Variants in GARRE1 observed in about 807,000 individuals in gnomAD.
GARRE1 encodes the protein granule associated Rac and RHOG effector protein 1.
GARRE1 carries 49 observed loss-of-function variants against 103.2 expected under a neutral mutation model. The ratio of observed to expected loss-of-function variants is 0.47; its 90% CI spans 0.38 to 0.60. The LOEUF (loss-of-function observed/expected upper bound fraction) is 0.60, where lower values mean the gene tolerates loss of function less well. Ranked by LOEUF, GARRE1 falls within the 20% of genes least tolerant of loss-of-function variation. The pLI is 0.00. For synonymous variants in GARRE1, 505 were observed against 532.8 expected (o/e 0.95, Z 0.72); for missense variants, 1,199 against 1,370.5 (o/e 0.87, Z 1.98).
Position 34,348,025 on chromosome 19 carries a change from C to G in GARRE1, c.2670C>G (p.Pro890=), listed in dbSNP as rs368456219. The stretch of plus-strand genomic sequence containing the variant: ...ACGCGCATCGGACCTGGCCCTTCCC[C>G]GAGTTCTTCACAGAAGGGTGAGTGC... ...MDDAHRTWPF[P]EFFTEGDGLH... Residue 890 remains proline, a synonymous_variant, in exon 11 of 14, where the codon CCC becomes CCG. Coordinates refer to ENST00000299505, the MANE Select transcript of GARRE1 (RefSeq NM_014686.5). 4 of 1,497,220 alleles carry G rather than the reference C, an allele frequency of 2.7e-6. No individual in the cohort carries two copies. The African/African-American group carries it at 5.7e-5, about 21-fold the overall frequency. 92.7% of individuals were successfully genotyped at this position (1,497,220 alleles called of 1,614,324 possible).
At chr19:34,332,811 T>C (rs912116493) in intron 7 of GARRE1, among the ~76,000 whole-genome samples, 1 of 152,190 alleles carries the variant, frequency 6.6e-6, no homozygotes, top group Admixed American at 6.6e-5. Context: ...TTTGAAAATA[T>C]ATTCATCACT....
chr19:34,316,866 A>G (rs1233090598), intron 2 of GARRE1, among the ~76,000 whole-genome samples: 1 of 152,194 alleles, frequency 6.6e-6, no homozygotes, highest in Non-Finnish European at 1.5e-5. Flanking sequence ...TCCAAGGTCA[A>G]ACACATCCTA....
intron 1 of GARRE1, chr19:34,285,221 A>G (rs2073879220): frequency 6.6e-6 from 1 of 152,170 alleles, no homozygotes; most frequent in African/African-American, 2.4e-5. Flanking sequence ...CTAACTTCCA[A>G]CAGTATTTTG....
In GARRE1 at chr19:34,347,946, C is replaced by A; in HGVS notation, c.2591C>A (p.Ala864Asp). ...VSQAMQQKRQ[A>D]QHGRRPGNPR... is the part of the protein sequence containing the mutation. ...CAGGCGATGCAGCAGAAGCGGCAGGCCCAGCACGGTCGCCGGCCAGGCAAC... is the reference window on the plus strand; with the variant it reads ...CAGGCGATGCAGCAGAAGCGGCAGGACCAGCACGGTCGCCGGCCAGGCAAC... The change falls in exon 11 of 14, where the codon GCC becomes GAC. Residue 864 changes from alanine to aspartate, a missense_variant. Coordinates refer to ENST00000299505, the MANE Select transcript of GARRE1 (RefSeq NM_014686.5). The A allele has an allele frequency of 6.3e-7, 1 of 1,590,502 alleles. No individual in the cohort carries two copies.
At chr19:34,307,866 C>T (rs890206921) in intron 2 of GARRE1, among the ~76,000 whole-genome samples, 24 of 146,576 alleles carry the variant, frequency 1.6e-4, no homozygotes, top group Admixed American at 1.3e-3. Context: ...AGGCTAGCCT[C>T]GAACTCTTGG....
In GARRE1 at chr19:34,328,085, A is replaced by G; in HGVS notation, c.1038A>G (p.Ile346Met). ...AGCTCCCCACCGTCCCTGTGCAGATAGGATCGCACTTCCTGAAGGGCGTCT... is the reference window on the plus strand; with the variant it reads ...AGCTCCCCACCGTCCCTGTGCAGATGGGATCGCACTTCCTGAAGGGCGTCT... ...QCELPTVPVQ[I>M]GSHFLKGVSF... is the part of the protein sequence containing the mutation. Residue 346 changes from isoleucine to methionine, a missense_variant, in exon 6 of 14, where the codon ATA becomes ATG. By Grantham distance (10) the Ile-to-Met change is conservative. Coordinates refer to ENST00000299505, the MANE Select transcript of GARRE1 (RefSeq NM_014686.5). 1 of 1,614,214 alleles carries G rather than the reference A, an allele frequency of 6.2e-7. No homozygotes were observed. Among genetic ancestry groups the G allele is most frequent in the South Asian group, 1.1e-5 (1 of 91,084 alleles).
At position 34,300,719 on chromosome 19, in the gene GARRE1, G is replaced by A. The variant is rs1318920934; in HGVS notation, c.246G>A (p.Lys82=). Residue 82 remains lysine (K), a synonymous_variant, in exon 2 of 14, where the codon AAG becomes AAA. Transcript: ENST00000299505. ...PIADIQQGIS[K]YLDALNVFCR... ...CCGACATCCAGCAGGGCATCTCCAA[G>A]TATCTGGATGCCCTGAACGTCTTCT... The A allele has an allele frequency of 6.2e-7, 1 of 1,614,192 alleles. No homozygotes were observed. The highest frequency in any genetic ancestry group is 1.7e-5 in the Admixed American group (1 of 60,038).
At chr19:34,314,647 C>T (rs192531871) in intron 2 of GARRE1, among the ~76,000 whole-genome samples, 11 of 152,300 alleles carry the variant, frequency 7.2e-5, no homozygotes, top group Admixed American at 7.2e-4. Context: ...GGTTCTGCCA[C>T]CCTTGGGCCT....
chr19:34,254,873 G>C (rs1325967175), intron 1 of GARRE1, among the ~76,000 whole-genome samples: 14 of 150,666 alleles, frequency 9.3e-5, no homozygotes, highest in Non-Finnish European at 1.9e-4. Flanking sequence ...CCGGGACCTG[G>C]GGGCGCGTCG....
intron 1 of GARRE1, among the ~76,000 whole-genome samples, chr19:34,264,152 T>C (rs1348754040): frequency 2.6e-5 from 4 of 152,190 alleles, no homozygotes; most frequent in African/African-American, 9.7e-5. Flanking sequence ...AGGGAGAGCA[T>C]GCAGCTAATG....
chr19:34,341,760 A>G lies in GARRE1; in HGVS notation c.1826A>G (p.Asn609Ser), dbSNP rs1284277798. ...ACAGACCCTTCACAGTCAGCTCAGA[A>G]TTCCAGTAATACAGTGGCCAATGGC... ...RTTDPSQSAQ[N>S]SSNTVANGFL... Residue 609 changes from asparagine to serine, a missense_variant, in exon 10 of 14, where the codon AAT becomes AGT. Physicochemically the swap from Asn to Ser is conservative, Grantham distance 46 (BLOSUM62 1). Coordinates refer to ENST00000299505, the MANE Select transcript of GARRE1 (RefSeq NM_014686.5). 6.2e-7 allele frequency: 1 copy of G among 1,614,224 alleles called. No individual in the cohort carries two copies. The highest frequency in any genetic ancestry group is 1.7e-5 in the Admixed American group (1 of 60,026).
At chr19:34,326,419 A>G (rs953183604) in intron 3 of GARRE1, among the ~76,000 whole-genome samples, 1 of 152,168 alleles carries the variant, frequency 6.6e-6, no homozygotes, top group Admixed American at 6.5e-5. Context: ...TAAATCAAAT[A>G]TATATTTTTC....
At chr19:34,340,034 G>A in intron 9 of GARRE1, 42 bp downstream of exon 9, 1 of 1,608,618 alleles carries the variant, frequency 6.2e-7, no homozygotes, top group Non-Finnish European at 8.5e-7. Flanking sequence ...CCGAGGGACA[G>A]TGTGACTATG....
intron 11 of GARRE1, chr19:34,348,455 G>C (rs757411474): frequency 3.7e-5 from 6 of 160,570 alleles, no homozygotes; most frequent in Non-Finnish European, 8.1e-5. Flanking sequence ...TGAGATTCTA[G>C]TATATTGAGA....
At chr19:34,256,450 G>A (rs141731121) in intron 1 of GARRE1, among the ~76,000 whole-genome samples, 14,335 of 151,552 alleles carry the variant, frequency 0.095, 923 homozygotes, top group Middle Eastern at 0.18. Flanking sequence ...AGCCCAGGAG[G>A]CGAAGGTTGC....
chr19:34,273,444 A>G (rs1228094577), intron 1 of GARRE1, among the ~76,000 whole-genome samples: 2 of 152,180 alleles, frequency 1.3e-5, no homozygotes, highest in South Asian at 2.1e-4. Flanking sequence ...GCATCTAACT[A>G]CTGCCTCCGT....
At chr19:34,269,604 C>T (rs1307380901) in intron 1 of GARRE1, among the ~76,000 whole-genome samples, 2 of 151,470 alleles carry the variant, frequency 1.3e-5, no homozygotes, top group African/African-American at 4.9e-5. Context: ...GCTGTGTTAC[C>T]CAGGCTGGAG....
intron 1 of GARRE1, among the ~76,000 whole-genome samples, chr19:34,292,975 C>T (rs1357003255): frequency 6.6e-6 from 1 of 152,174 alleles, no homozygotes; most frequent in Admixed American, 6.5e-5. Flanking sequence ...TCCCAAAGTG[C>T]TGGGATTACA....
chr19:34,350,211 T>C (rs576014453), intron 12 of GARRE1, among the ~76,000 whole-genome samples: 1 of 152,098 alleles, frequency 6.6e-6, no homozygotes, highest in African/African-American at 2.4e-5. Context: ...CTGAACAAAG[T>C]GCGGCAGCAA....
Sources: allele counts gnomAD v4.1 joint callset (sites outside exome capture counted in the v4.1 genomes callset), GRCh38; gene constraint gnomAD v4.1.1; transcripts MANE v1.5; gene names NCBI Gene and HGNC (gene_info 2026-07-23, HGNC 2026-07-21).